Variants in FAM185A observed in about 807,000 individuals in gnomAD.
FAM185A encodes the protein family with sequence similarity 185 member A, also known as protein FAM185A.
In FAM185A, 21 loss-of-function variants were observed where a neutral mutation model predicts 45.7. The observed-to-expected ratio is 0.46, with a 90% CI of 0.33 to 0.66. The LOEUF (loss-of-function observed/expected upper bound fraction) is 0.66, where lower values mean the gene tolerates loss of function less well. Ranked by LOEUF, FAM185A falls within the 30% of genes least tolerant of loss-of-function variation. The pLI, the probability that FAM185A is intolerant of heterozygous loss-of-function variation, is 0.03. For missense variants in FAM185A, 305 were observed against 485.4 expected (o/e 0.63, Z 3.49); for synonymous variants, 117 against 194.0 (o/e 0.60, Z 3.30).
the FAM185A span, among the ~76,000 whole-genome samples, chr7:102,823,095 T>C: frequency 1.3e-5 from 2 of 152,014 alleles, no homozygotes; most frequent in Non-Finnish European, 2.9e-5. Context: ...CAAAAAAAGT[T>C]GTGATTTTGC....
At chr7:102,777,783 G>A (rs1391988517) in intron 6 of FAM185A, among the ~76,000 whole-genome samples, 2 of 151,908 alleles carry the variant, frequency 1.3e-5, no homozygotes, top group African/African-American at 2.4e-5. Context: ...TTAAATAAAG[G>A]TATCACACAG....
chr7:102,785,587 C>G (rs1249387048), intron 6 of FAM185A, among the ~76,000 whole-genome samples: 34 of 150,808 alleles, frequency 2.3e-4, no homozygotes, highest in African/African-American at 6.8e-4. Context: ...GGAAAGGATT[C>G]CCTATTTAAT....
At chr7:102,797,546 G>A (rs1446526904) in intron 7 of FAM185A, among the ~76,000 whole-genome samples, 1 of 152,080 alleles carries the variant, frequency 6.6e-6, no homozygotes, top group Non-Finnish European at 1.5e-5. Context: ...GGTGTTAAAG[G>A]TATTGTTTGT....
At chr7:102,780,840 C>T (rs1276735591) in intron 6 of FAM185A, among the ~76,000 whole-genome samples, 6 of 152,166 alleles carry the variant, frequency 3.9e-5, no homozygotes, top group Non-Finnish European at 7.3e-5. Context: ...GCGCACCGAG[C>T]GTGAGCCAAA....
chr7:102,844,564 T>C, the FAM185A span, among the ~76,000 whole-genome samples: 1 of 152,146 alleles, frequency 6.6e-6, no homozygotes, highest in Non-Finnish European at 1.5e-5. Context: ...GACAAAATCA[T>C]GCCATATTAA....
the FAM185A span, among the ~76,000 whole-genome samples, chr7:102,815,639 C>A: frequency 1.3e-5 from 2 of 152,068 alleles, no homozygotes; most frequent in Non-Finnish European, 2.9e-5. Context: ...ATGATCTTGA[C>A]CTATAGGAAA....
chr7:102,832,459 T>C, the FAM185A span, among the ~76,000 whole-genome samples: 1 of 152,262 alleles, frequency 6.6e-6, no homozygotes, highest in African/African-American at 2.4e-5. Flanking sequence ...ATGGATTTAA[T>C]AACTTGTAAA....
chr7:102,797,064 G>A (rs1168303556), intron 7 of FAM185A, among the ~76,000 whole-genome samples: 3 of 152,130 alleles, frequency 2.0e-5, no homozygotes, highest in African/African-American at 2.4e-5. Context: ...GAAATTTAGT[G>A]GATAGGCATC....
chr7:102,772,427 G>C lies in FAM185A; in HGVS notation c.812G>C (p.Ser271Thr), dbSNP rs959042322. 1 of 1,544,138 alleles carries C rather than the reference G, an allele frequency of 6.5e-7. No individual in the cohort carries two copies. Among genetic ancestry groups the C allele is most frequent in the East Asian group, 2.5e-5 (1 of 40,412 alleles). Reference sequence around the variant, plus strand: ...TTGGCAGGTAATATAACATTACAAAGCAAGATGGGTAACATCACAGTAGGT... The same window carrying C: ...TTGGCAGGTAATATAACATTACAAACCAAGATGGGTAACATCACAGTAGGT... ...GSVHGNITLQ[S>T]KMGNITVDSS... is the part of the protein sequence containing the mutation. The change falls in exon 5 of 8, where the codon AGC (serine) becomes ACC (threonine). Residue 271 changes from serine to threonine, a missense_variant. Physicochemically the swap from Ser to Thr is moderately conservative, Grantham distance 58. Transcript: ENST00000413034.
the FAM185A span, among the ~76,000 whole-genome samples, chr7:102,838,392 T>C: frequency 6.6e-6 from 1 of 152,150 alleles, no homozygotes; most frequent in Non-Finnish European, 1.5e-5. Context: ...ATTATTTGTA[T>C]GCACTGCTTC....
At chr7:102,792,624 G>C (rs1375500769) in intron 7 of FAM185A, among the ~76,000 whole-genome samples, 2 of 116,124 alleles carry the variant, frequency 1.7e-5, no homozygotes, top group African/African-American at 6.9e-5. Flanking sequence ...AATGTTCAAA[G>C]AATATTAGAG....
At chr7:102,757,620 C>T (rs1049703103) in intron 2 of FAM185A, among the ~76,000 whole-genome samples, 1 of 152,178 alleles carries the variant, frequency 6.6e-6, no homozygotes. Flanking sequence ...CCAGAATACC[C>T]AAGTATCTCT....
chr7:102,850,060 A>G, the FAM185A span, among the ~76,000 whole-genome samples: 1 of 152,186 alleles, frequency 6.6e-6, no homozygotes, highest in Non-Finnish European at 1.5e-5. Context: ...TAGAACAACT[A>G]ATCTTTTAGA....
intron 2 of FAM185A, chr7:102,755,200 G>A (rs971488628): frequency 2.3e-6 from 1 of 431,098 alleles, no homozygotes; most frequent in African/African-American, 2.1e-5. Context: ...CCCTGCTTTT[G>A]TGAAGAAGCA....
chr7:102,823,737 G>A, the FAM185A span, among the ~76,000 whole-genome samples: 5 of 152,166 alleles, frequency 3.3e-5, no homozygotes, highest in Admixed American at 3.3e-4. Flanking sequence ...GTGAGGCTTG[G>A]CTCTTGTTTT....
chr7:102,800,468 G>A (rs769890389), intron 7 of FAM185A, among the ~76,000 whole-genome samples: 8 of 152,106 alleles, frequency 5.3e-5, no homozygotes, highest in East Asian at 1.9e-4. Context: ...AGAGAAAGAC[G>A]AAGCCCAATA....
At chr7:102,785,107 G>A (rs1339541400) in intron 6 of FAM185A, among the ~76,000 whole-genome samples, 5 of 152,038 alleles carry the variant, frequency 3.3e-5, no homozygotes, top group Non-Finnish European at 7.4e-5. Flanking sequence ...AAATACCTAG[G>A]AATTCAACTT....
chr7:102,826,752 T>TATATATAC, the FAM185A span, among the ~76,000 whole-genome samples: 1 of 114,264 alleles, frequency 8.8e-6, no homozygotes, highest in Non-Finnish European at 1.8e-5. Flanking sequence ...TATATATATA[T>TATATATAC]ATATATATAT....
the FAM185A span, among the ~76,000 whole-genome samples, chr7:102,847,131 T>C: frequency 1.3e-5 from 2 of 152,106 alleles, no homozygotes; most frequent in East Asian, 1.9e-4. Context: ...AATGGCAAAG[T>C]TGGGAAGTTG....
Sources: allele counts gnomAD v4.1 joint callset (sites outside exome capture counted in the v4.1 genomes callset), GRCh38; gene constraint gnomAD v4.1.1; transcripts MANE v1.5; gene names NCBI Gene and HGNC (gene_info 2026-07-23, HGNC 2026-07-21).